The following TMEM208 variants were observed in gnomAD, a reference collection of about 807,000 sequenced individuals.
TMEM208 encodes transmembrane protein 208.
TMEM208 carries 19 observed loss-of-function variants against 26.4 expected under a neutral mutation model. The ratio of observed to expected loss-of-function variants is 0.72; its 90% CI spans 0.50 to 1.06. TMEM208 has a LOEUF of 1.06. Ranked by LOEUF, TMEM208 falls within the 50% of genes least tolerant of loss-of-function variation. TMEM208 has a pLI of 0.00. For missense variants in TMEM208, 183 were observed against 219.8 expected, an observed-to-expected ratio of 0.83 and a Z score of 1.06; for synonymous variants, 93 against 83.1, an observed-to-expected ratio of 1.12 and a Z score of -0.65.
At chr16:67,228,706 C>T in intron 4 of TMEM208, 75 bp downstream of exon 4, 1 of 1,547,658 alleles carries the variant, frequency 6.5e-7, no homozygotes, top group South Asian at 1.2e-5. Flanking sequence ...AGCACAGCTA[C>T]TTGTAACTTG....
In TMEM208 at chr16:67,228,541, C is replaced by CT; in HGVS notation, c.210dup (p.Met71TyrfsTer11). 6.2e-7 allele frequency: 1 copy of CT among 1,611,890 alleles called. No individual in the cohort carries two copies. The highest frequency in any genetic ancestry group is 8.5e-7 in the Non-Finnish European group (1 of 1,178,394). The stretch of plus-strand genomic sequence containing the variant: ...GCAGTGTATGGGGCCAGCTACCACT[C>CT]TATGAGCTCGATGGCACGAGCAGCG... On this transcript the variant is annotated frameshift_variant, in exon 4 of 6. Transcript: ENST00000304800. LOFTEE classifies it high-confidence loss of function.
At position 67,227,141 on chromosome 16, in the gene TMEM208, A is replaced by T. The variant is rs904561190; in HGVS notation, c.-78A>T. 6.3e-7 allele frequency: 1 copy of T among 1,595,896 alleles called. No individual in the cohort carries two copies. The highest frequency in any genetic ancestry group is 8.6e-7 in the Non-Finnish European group (1 of 1,166,442). On this transcript the variant is annotated 5_prime_UTR_variant, in exon 1 of 6. Transcript: ENST00000304800. ...CTTCGGTCTGCGCCGGAAGTGCATG[A>T]GCTGCCGATGTGGTGCTTAGTGATT...
chr16:67,228,263 C>A, intron 2 of TMEM208, 92 bp from the exon 3 acceptor site: 1 of 1,438,042 alleles, frequency 7.0e-7, no homozygotes, highest in Non-Finnish European at 9.8e-7. Context: ...TTGCTCCTCC[C>A]ACAGCCTGGC....
At chr16:67,228,764 A>AT in intron 4 of TMEM208, 33 bp from the exon 5 acceptor site, 1 of 1,601,090 alleles carries the variant, frequency 6.2e-7, no homozygotes, top group East Asian at 2.2e-5. Context: ...AAGGGCCCAT[A>AT]TGCTGTCTTT....
At position 67,228,578 on chromosome 16, in the gene TMEM208, T is replaced by A. The variant is rs767600139; in HGVS notation, c.246T>A (p.Asp82Glu). 13 of 1,606,288 alleles carry A rather than the reference T, an allele frequency of 8.1e-6. No homozygotes were observed. Among genetic ancestry groups the A allele is most frequent in the Non-Finnish European group, 5.1e-6 (6 of 1,175,052 alleles). The change falls in exon 4 of 6, where the codon GAT becomes GAA. Residue 82 changes from aspartate (D) to glutamate (E), a missense_variant. Coordinates refer to ENST00000304800, the MANE Select transcript of TMEM208 (RefSeq NM_014187.4). Reference sequence around the variant, plus strand: ...TGGCACGAGCAGCGTTCTCTGAGGATGGGGCCCTGATGGATGGTGGCATGG... The same window carrying A: ...TGGCACGAGCAGCGTTCTCTGAGGAAGGGGCCCTGATGGATGGTGGCATGG... ...SSMARAAFSE[D>E]GALMDGGMDL...
intron 1 of TMEM208, 34 bp downstream of exon 1, chr16:67,227,258 G>C (rs891193293): frequency 3.1e-6 from 5 of 1,606,704 alleles, no homozygotes; most frequent in Admixed American, 3.4e-5. Context: ...GTCCGCACCA[G>C]CAAAGCTCTC....
rs1322114495 is a variant in TMEM208, at chr16:67,229,143, C to A, written c.*30C>A. On this transcript the variant is annotated 3_prime_UTR_variant, in exon 6 of 6. Coordinates refer to ENST00000304800, the MANE Select transcript of TMEM208 (RefSeq NM_014187.4). The stretch of plus-strand genomic sequence containing the variant: ...TGACATTGTGGCCACAGGCCACTGG[C>A]CCTGGGTGGCTCTGTCAGGGTGCAC... The A allele has an allele frequency of 1.3e-6, 2 of 1,557,358 alleles. No homozygotes were observed. Among genetic ancestry groups the A allele is most frequent in the South Asian group, 2.4e-5 (2 of 83,224 alleles).
chr16:67,229,019 G>A lies in TMEM208; in HGVS notation c.428G>A (p.Gly143Asp). The A allele has an allele frequency of 6.2e-7, 1 of 1,612,140 alleles. No individual in the cohort carries two copies. Among genetic ancestry groups the A allele is most frequent in the South Asian group, 1.1e-5 (1 of 91,030 alleles). ...TACCTCCTGTGGGTGAATGTGCTGG[G>A]CCCCTGGTTCACTGCAGACAGTGGC... ...ALYLLWVNVL[G>D]PWFTADSGTP... The change falls in exon 6 of 6, where the codon GGC (glycine) becomes GAC (aspartate). Residue 143 changes from glycine (G) to aspartate (D), a missense_variant. Coordinates refer to ENST00000304800, the MANE Select transcript of TMEM208 (RefSeq NM_014187.4).
In TMEM208 at chr16:67,227,213, C is replaced by G. The variant is rs2034053271; in HGVS notation, c.-6C>G. 3 of 1,612,126 alleles carry G rather than the reference C, an allele frequency of 1.9e-6. No individual in the cohort carries two copies. Among genetic ancestry groups the G allele is most frequent in the African/African-American group, 2.7e-5 (2 of 75,034 alleles). ...TGTTTCCCGGGCTGGGTATTTGCCT[C>G]GCACCATGGCGGTAAGGAGGATGGA... On this transcript the variant is annotated 5_prime_UTR_variant, in exon 1 of 6. Transcript: ENST00000304800.
chr16:67,228,015 C>A, intron 2 of TMEM208, 84 bp downstream of exon 2: 1 of 1,125,446 alleles, frequency 8.9e-7, no homozygotes. Context: ...GGAGTGGTAC[C>A]CGAAAAAGCT....
rs2142248855 is a variant in TMEM208 at position 67,227,139 on chromosome 16, T to G, written c.-80T>G. The G allele has an allele frequency of 1.1e-3, 1,686 of 1,579,842 alleles. No individual in the cohort carries two copies. Among genetic ancestry groups the G allele is most frequent in the Non-Finnish European group, 1.3e-3 (1,548 of 1,151,692 alleles). On this transcript the variant is annotated 5_prime_UTR_variant, in exon 1 of 6. It removes an upstream start codon present in the reference 5' UTR. Coordinates refer to ENST00000304800, the MANE Select transcript of TMEM208 (RefSeq NM_014187.4). ...GACTTCGGTCTGCGCCGGAAGTGCA[T>G]GAGCTGCCGATGTGGTGCTTAGTGA...
At chr16:67,227,482 A>T in intron 1 of TMEM208, 1 of 571,164 alleles carries the variant, frequency 1.8e-6, no homozygotes. Flanking sequence ...CCAGATCGGG[A>T]CTACGCCAGC....
chr16:67,229,183 GGA>G lies in TMEM208; in HGVS notation c.*72_*73del. 6.8e-7 allele frequency: 1 copy of G among 1,465,506 alleles called. No homozygotes were observed. Among genetic ancestry groups the G allele is most frequent in the Non-Finnish European group, 9.2e-7 (1 of 1,088,096 alleles). The allele number at this position is 1,465,506 out of a possible 1,614,324, so 90.8% of individuals were successfully genotyped here. ...TCAGGGTGCACAGCCCCTCATGCCT[GGA>G]GCAATGAGGGTCTAGTCCAGGGGCC... On this transcript the variant is annotated 3_prime_UTR_variant, in exon 6 of 6. Transcript: ENST00000304800.
chr16:67,228,721 G>A, intron 4 of TMEM208, 76 bp from the exon 5 acceptor site: 2 of 1,556,328 alleles, frequency 1.3e-6, no homozygotes, highest in African/African-American at 2.7e-5. Context: ...AACTTGAAAA[G>A]GGTGGAAGGG....
rs1445515474 is a variant in TMEM208, at chr16:67,229,054, C to A, written c.463C>A (p.Pro155Thr). The A allele has an allele frequency of 1.9e-6, 3 of 1,613,350 alleles. No individual in the cohort carries two copies. The African/African-American group carries it at 4.0e-5, about 22-fold the overall frequency. The change falls in exon 6 of 6, where the codon CCA (proline) becomes ACA (threonine). Residue 155 changes from proline to threonine, a missense_variant. Transcript: ENST00000304800. ...WFTADSGTPA[P>T]EHNEKRQRRQ... ...CACTGCAGACAGTGGCACCCCAGCA[C>A]CAGAGCACAATGAGAAACGGCAGCG...
chr16:67,228,849 TTCTC>T lies in TMEM208; in HGVS notation c.358_361del (p.Leu120MetfsTer19), dbSNP rs549235640. On this transcript the variant is annotated frameshift_variant, in exon 5 of 6. Transcript: ENST00000304800. LOFTEE classifies it high-confidence loss of function. ...AGCCATCGTGCAGGTGCTCAGCTGC[TTCTC>T]TCTCTATGTCTGGTCCTTCTGGCTT... 44 of 1,613,876 alleles carry T rather than the reference TTCTC, an allele frequency of 2.7e-5. No homozygotes were observed. Among genetic ancestry groups the T allele is most frequent in the Admixed American group, 1.8e-4 (11 of 60,004 alleles).
intron 2 of TMEM208, 194 bp from the exon 3 acceptor site, chr16:67,228,161 G>T (rs1312806986): frequency 5.9e-6 from 4 of 680,958 alleles, no homozygotes; most frequent in Non-Finnish European, 9.9e-6. Flanking sequence ...GTACACAAAG[G>T]CTTCTTTCCT....
In TMEM208 at chr16:67,227,912, G is replaced by T; in HGVS notation, c.83G>T (p.Arg28Leu). The T allele has an allele frequency of 6.2e-7, 1 of 1,609,930 alleles. No individual in the cohort carries two copies. ...ENRETLKFYL[R>L]IILGANAIYC... ...AGAGAGACTCTGAAGTTCTACCTGCGGATCATACTGGGGGCCAATGTAAGT... is the reference window on the plus strand; with the variant it reads ...AGAGAGACTCTGAAGTTCTACCTGCTGATCATACTGGGGGCCAATGTAAGT... The change falls in exon 2 of 6, where the codon CGG becomes CTG. Residue 28 changes from arginine (R) to leucine (L), a missense_variant. By Grantham distance (102) the Arg-to-Leu change is moderately radical. Transcript: ENST00000304800.
At chr16:67,228,246 A>G (rs1597309595) in intron 2 of TMEM208, 109 bp from the exon 3 acceptor site, 3 of 1,281,538 alleles carry the variant, frequency 2.3e-6, no homozygotes, top group Non-Finnish European at 3.4e-6. Flanking sequence ...ACCCTGTAAG[A>G]ACAACCTTGC....
Sources: gnomAD v4.1 joint callset for allele counts on GRCh38, gnomAD v4.1.1 for gene constraint, MANE v1.5 for transcripts, NCBI Gene and HGNC (gene_info 2026-07-23, HGNC 2026-07-21) for gene names.